Variants in TRIM36 observed in about 807,000 individuals in gnomAD.
TRIM36 encodes the protein E3 ubiquitin-protein ligase TRIM36.
Under a neutral mutation model 72.4 loss-of-function variants are expected in TRIM36, and 42 were observed. The observed-to-expected ratio is 0.58, with a 90% CI of 0.45 to 0.75. The LOEUF (loss-of-function observed/expected upper bound fraction) is 0.75. Among genes scored for constraint, TRIM36 ranks in the 30% least tolerant of loss-of-function variants. The pLI is 0.00. For missense variants in TRIM36, 913 were observed against 857.1 expected (o/e 1.07, Z -0.81); for synonymous variants, 315 against 282.8 (o/e 1.11, Z -1.14).
upstream of TRIM36, chr5:115,171,207 G>A (rs763899950): frequency 1.4e-5 from 22 of 1,614,156 alleles, no homozygotes; most frequent in South Asian, 2.0e-4. Flanking sequence ...CGGTAGCCTC[G>A]TCTCCAATCC....
chr5:115,138,226 A>C (rs1753070396), intron 5 of TRIM36, among the ~76,000 whole-genome samples: 1 of 152,094 alleles, frequency 6.6e-6, no homozygotes, highest in East Asian at 1.9e-4. Flanking sequence ...CAGCCTCCCA[A>C]GTAGCTGGGA....
In TRIM36 at chr5:115,163,870, T is replaced by C. The variant is rs140371915; in HGVS notation, c.28-118A>G. On this transcript the variant is annotated intron_variant, in intron 1 of 9. Transcript: ENST00000513154. ...CCAAAAAGAATTAAGAAAATGATTT[T>C]CTAAATTTTAAATTTCTTTTCCCCA... The C allele has an allele frequency of 2.4e-4, 222 of 911,566 alleles. No homozygotes were observed. In the African/African-American group the frequency reaches 3.3e-3, roughly 14 times the overall value. The allele number at this position is 911,566 out of a possible 1,614,324, so 56.5% of individuals were successfully genotyped here.
chr5:115,125,287 C>T lies in TRIM36; in HGVS notation c.*1216G>A, dbSNP rs573056270. ...AAGTACTTTAAATAAAAACCACCTA[C>T]TTGAAAGCAACACCTTTCAAAAACA... On this transcript the variant is annotated 3_prime_UTR_variant, in exon 10 of 10. Transcript: ENST00000513154. The T allele has an allele frequency of 5.3e-5, 8 of 152,232 alleles. No individual in the cohort carries two copies. The highest frequency in any genetic ancestry group is 1.9e-4 in the African/African-American group (8 of 41,568). The allele number at this position is 152,232 out of a possible 1,614,324, so 9.4% of individuals were successfully genotyped here. A position where few individuals can be genotyped will look rare whatever the true frequency, so the allele number is the denominator to read the frequency against.
At chr5:115,137,294 G>T in intron 6 of TRIM36, 69 bp downstream of exon 6, 1 of 1,536,696 alleles carries the variant, frequency 6.5e-7, no homozygotes. Context: ...CAGAGCTAAA[G>T]TGAGAATACA....
chr5:115,136,904 G>A (rs1429575136), intron 7 of TRIM36, 96 bp downstream of exon 7: 4 of 1,290,362 alleles, frequency 3.1e-6, no homozygotes, highest in Non-Finnish European at 4.2e-6. Context: ...GTGAGATGCT[G>A]CTTTATAATG....
chr5:115,170,029 C>G (rs1439464922), upstream of TRIM36: 3 of 1,011,726 alleles, frequency 3.0e-6, no homozygotes, highest in African/African-American at 5.1e-5. Context: ...CCGCCTGGGG[C>G]TGGTAGGCCG....
rs549974287 is a variant in TRIM36 at position 115,164,556 on chromosome 5, C to T, written c.28-804G>A. Among the ~76,000 whole-genome samples the T allele has an allele frequency of 2.6e-5, 4 of 152,270 alleles. No homozygotes were observed. In the East Asian group the frequency reaches 7.7e-4, roughly 29 times the overall value. On this transcript the variant is annotated intron_variant, in intron 1 of 9. Coordinates refer to ENST00000513154, the MANE Select transcript of TRIM36 (RefSeq NM_001300759.2). ...AGAGCAGGGATACTGCCTTACAAAA[C>T]CATCAGATCTTATGAGAATTCGCTA...
At chr5:115,155,196 T>A (rs2416400) in intron 2 of TRIM36, among the ~76,000 whole-genome samples, 1 of 132,260 alleles carries the variant, frequency 7.6e-6, no homozygotes, top group Middle Eastern at 3.6e-3. Flanking sequence ...TTTAAAAAAA[T>A]AATTAGCCAG....
chr5:115,159,406 T>C (rs140167778), intron 2 of TRIM36, among the ~76,000 whole-genome samples: 76 of 152,338 alleles, frequency 5.0e-4, no homozygotes, highest in Non-Finnish European at 1.0e-3. Flanking sequence ...AAATATCTTG[T>C]CATGTATATT....
At chr5:115,136,616 G>GA (rs1457708062) in intron 7 of TRIM36, among the ~76,000 whole-genome samples, 1 of 150,000 alleles carries the variant, frequency 6.7e-6, no homozygotes, top group African/African-American at 2.5e-5. Flanking sequence ...CATAAAAGAG[G>GA]AAAAAAATGG....
chr5:115,176,911 C>T (rs1561453830), intron 1 of TRIM36, among the ~76,000 whole-genome samples: 2 of 152,130 alleles, frequency 1.3e-5, no homozygotes, highest in Admixed American at 6.5e-5. Context: ...TGAGAATGAT[C>T]GTAAGTATTA....
At chr5:115,131,002 G>C (rs966643815) in intron 8 of TRIM36, 113 bp from the exon 9 acceptor site, 2 of 1,199,778 alleles carry the variant, frequency 1.7e-6, no homozygotes, top group Admixed American at 5.3e-5. Context: ...GCGGGAAGGA[G>C]GTGTCACACT....
intron 3 of TRIM36, among the ~76,000 whole-genome samples, chr5:115,145,558 G>A (rs749277903): frequency 3.4e-5 from 5 of 149,046 alleles, no homozygotes; most frequent in Non-Finnish European, 5.9e-5. Context: ...ACAGAGTCTC[G>A]CTCTGTCGCC....
At chr5:115,155,463 A>C (rs181452851) in intron 2 of TRIM36, among the ~76,000 whole-genome samples, 406 of 152,342 alleles carry the variant, frequency 2.7e-3, no homozygotes, top group African/African-American at 9.2e-3. Flanking sequence ...AAGATAATCC[A>C]CCATGATCAA....
At chr5:115,129,873 G>C (rs1752580520) in intron 9 of TRIM36, among the ~76,000 whole-genome samples, 1 of 151,846 alleles carries the variant, frequency 6.6e-6, no homozygotes, top group Non-Finnish European at 1.5e-5. Flanking sequence ...ACGTTTACTA[G>C]GTTTCTCCAC....
Position 115,130,722 on chromosome 5 carries a change from C to T in TRIM36, c.1666G>A (p.Gly556Ser). 6.2e-7 allele frequency: 1 copy of T among 1,614,092 alleles called. No individual in the cohort carries two copies. The highest frequency in any genetic ancestry group is 1.1e-5 in the South Asian group (1 of 91,082). ...CAGAAGTGTTTTCCTTTTGTAATGC[C>T]AGTATCTCCAATGATGTAGTCTAAG... ...TSLDYIIGDT[G>S]ITKGKHFWAF... The change falls in exon 9 of 10, where the codon GGC (glycine) becomes AGC (serine). Residue 556 changes from glycine to serine, a missense_variant. Transcript: ENST00000513154.
intron 2 of TRIM36, among the ~76,000 whole-genome samples, chr5:115,155,270 C>T (rs552951023): frequency 3.3e-5 from 5 of 152,248 alleles, no homozygotes; most frequent in South Asian, 2.1e-4. Flanking sequence ...ATCGCTTGAA[C>T]CAGGGAGGCA....
chr5:115,153,004 T>C (rs1287090472), intron 2 of TRIM36, among the ~76,000 whole-genome samples: 2 of 151,516 alleles, frequency 1.3e-5, no homozygotes, highest in African/African-American at 2.4e-5. Context: ...GGCAAAAAAA[T>C]AGCACAGTGA....
chr5:115,168,753 T>A (rs1485806349), intron 1 of TRIM36, among the ~76,000 whole-genome samples: 4 of 152,192 alleles, frequency 2.6e-5, no homozygotes, highest in African/African-American at 9.6e-5. Context: ...TCACATCCTA[T>A]CTCATTTCAC....
Sources: allele counts gnomAD v4.1 joint callset (sites outside exome capture counted in the v4.1 genomes callset), GRCh38; gene constraint gnomAD v4.1.1; transcripts MANE v1.5; gene names NCBI Gene and HGNC (gene_info 2026-07-23, HGNC 2026-07-21).